SPAST: variants seen among roughly 807,000 people sequenced by gnomAD.
SPAST encodes spastin.
SPAST carries 30 observed loss-of-function variants against 76.6 expected under a neutral mutation model. The observed-to-expected ratio is 0.39, with a 90% CI of 0.29 to 0.53. SPAST has a LOEUF of 0.53. SPAST is among the 20% of genes least tolerant of loss of function. SPAST has a pLI of 0.68. For synonymous variants in SPAST, 305 were observed against 281.0 expected (o/e 1.09, Z -0.86); for missense variants, 717 against 770.5 (o/e 0.93, Z 0.82).
At chr2:32,080,117 A>G (rs967963021) in intron 1 of SPAST, among the ~76,000 whole-genome samples, 1 of 152,156 alleles carries the variant, frequency 6.6e-6, no homozygotes, top group Non-Finnish European at 1.5e-5. Flanking sequence ...AGTCATCCTA[A>G]AGGGTATGAA....
chr2:32,125,699 G>A (rs1414892571), intron 7 of SPAST, among the ~76,000 whole-genome samples: 2 of 152,090 alleles, frequency 1.3e-5, no homozygotes, highest in East Asian at 3.9e-4. Flanking sequence ...TTTAGAGAAC[G>A]AAACTCCTGC....
chr2:32,063,939 C>G lies in SPAST; in HGVS notation c.108C>G (p.Ala36=). The G allele has an allele frequency of 1.2e-6, 2 of 1,605,300 alleles. No individual in the cohort carries two copies. The highest frequency in any genetic ancestry group is 1.7e-6 in the Non-Finnish European group (2 of 1,176,020). ...GCCTGGCCCCCGCCCCTCCCGCCGCCGGGCCGGCCCCTCCGCCCGAGTCGC... is the reference window on the plus strand; with the variant it reads ...GCCTGGCCCCCGCCCCTCCCGCCGCGGGGCCGGCCCCTCCGCCCGAGTCGC... ...PPCLAPAPPA[A]GPAPPPESPH... is the part of the protein sequence containing the mutation. Residue 36 remains alanine (A), a synonymous_variant, in exon 1 of 17, where the codon GCC becomes GCG. Coordinates refer to ENST00000315285, the MANE Select transcript of SPAST (RefSeq NM_014946.4).
At chr2:32,069,116 C>T (rs1235712787) in intron 1 of SPAST, among the ~76,000 whole-genome samples, 12 of 151,378 alleles carry the variant, frequency 7.9e-5, no homozygotes, top group Non-Finnish European at 1.6e-4. Context: ...GGGACGCTGA[C>T]GCAGGACAAT....
At chr2:32,094,243 G>A (rs991409326) in intron 3 of SPAST, among the ~76,000 whole-genome samples, 1 of 152,030 alleles carries the variant, frequency 6.6e-6, no homozygotes, top group Non-Finnish European at 1.5e-5. Flanking sequence ...TTTTGAGACG[G>A]AGTCTTGCCT....
chr2:32,132,432 A>G (rs1679400209), intron 9 of SPAST, among the ~76,000 whole-genome samples: 2 of 152,102 alleles, frequency 1.3e-5, no homozygotes, highest in Non-Finnish European at 1.5e-5. Context: ...TGTCTAGTCT[A>G]TCATTTTGTC....
chr2:32,130,718 CAA>C (rs902989770), intron 9 of SPAST: 29 of 57,174 alleles, frequency 5.1e-4, no homozygotes, highest in Admixed American at 1.4e-3. Flanking sequence ...GACTCTGTCT[CAA>C]AAAAAAAAAA....
intron 16 of SPAST, 30 bp from the exon 17 acceptor site, chr2:32,154,344 T>C: frequency 6.3e-7 from 1 of 1,597,842 alleles, no homozygotes; most frequent in South Asian, 1.1e-5. Flanking sequence ...GTTGATCATT[T>C]GTATTGTCAT....
chr2:32,131,338 T>C (rs558135200), intron 9 of SPAST, among the ~76,000 whole-genome samples: 1 of 152,194 alleles, frequency 6.6e-6, no homozygotes, highest in Non-Finnish European at 1.5e-5. Context: ...TCATACTCAC[T>C]GGAGTTGCAA....
chr2:32,089,223 A>G (rs1227361587), intron 2 of SPAST, among the ~76,000 whole-genome samples: 1 of 71,108 alleles, frequency 1.4e-5, no homozygotes, highest in African/African-American at 5.5e-5. Flanking sequence ...TTTTTTAAGT[A>G]GAGACCAGAT....
intron 9 of SPAST, among the ~76,000 whole-genome samples, chr2:32,134,103 A>T (rs913999837): frequency 1.3e-5 from 2 of 152,116 alleles, no homozygotes; most frequent in African/African-American, 2.4e-5. Context: ...TGGCGTGATC[A>T]TGGCTCACTG....
At chr2:32,073,256 C>T (rs1327795811) in intron 1 of SPAST, among the ~76,000 whole-genome samples, 2 of 152,164 alleles carry the variant, frequency 1.3e-5, no homozygotes, top group African/African-American at 4.8e-5. Context: ...TGGTCTCGAA[C>T]TCCTGGCCTC....
intron 7 of SPAST, among the ~76,000 whole-genome samples, chr2:32,122,941 A>C (rs906597858): frequency 6.6e-6 from 1 of 152,190 alleles, no homozygotes; most frequent in African/African-American, 2.4e-5. Context: ...TTTATCTACC[A>C]GCAGTGAACA....
rs377460959 is a variant in SPAST, at chr2:32,107,972, C to T, written c.683-6666C>T. 1.0e-3 allele frequency among the ~76,000 whole-genome samples: 152 copies of T among 152,124 alleles called. 1 individual carries two copies. Among genetic ancestry groups the T allele is most frequent in the African/African-American group, 3.5e-3 (144 of 41,462 alleles). On this transcript the variant is annotated intron_variant, in intron 4 of 16. Transcript: ENST00000315285. ...TCTGCTTATTACTACAATGTGTTAT[C>T]TATTATACATTGTCCAATTTTCTAC...
At chr2:32,154,101 T>A (rs1022299792) in intron 16 of SPAST, among the ~76,000 whole-genome samples, 3 of 152,244 alleles carry the variant, frequency 2.0e-5, no homozygotes, top group Admixed American at 1.3e-4. Flanking sequence ...GTTTTGTTTT[T>A]ATATTGGAAA....
intron 1 of SPAST, among the ~76,000 whole-genome samples, chr2:32,077,099 C>T (rs933109921): frequency 1.3e-5 from 2 of 152,160 alleles, no homozygotes; most frequent in African/African-American, 2.4e-5. Flanking sequence ...TGATCTCGAA[C>T]TCTTGACCTC....
chr2:32,102,881 A>G (rs1678179795), intron 4 of SPAST, among the ~76,000 whole-genome samples: 1 of 152,206 alleles, frequency 6.6e-6, no homozygotes, highest in African/African-American at 2.4e-5. Flanking sequence ...CCAGTATTTT[A>G]TTGAGGATTT....
intron 4 of SPAST, among the ~76,000 whole-genome samples, chr2:32,108,351 A>G (rs1314575002): frequency 6.6e-6 from 1 of 152,146 alleles, no homozygotes; most frequent in East Asian, 1.9e-4. Flanking sequence ...GATGACTCTC[A>G]CGTAGCAACT....
At chr2:32,105,395 G>A (rs1036621047) in intron 4 of SPAST, among the ~76,000 whole-genome samples, 11 of 152,096 alleles carry the variant, frequency 7.2e-5, no homozygotes, top group East Asian at 1.9e-4. Context: ...CAATGGTTTC[G>A]AACATCCTCC....
intron 3 of SPAST, among the ~76,000 whole-genome samples, chr2:32,092,468 T>C (rs775022331): frequency 5.3e-5 from 8 of 152,308 alleles, no homozygotes; most frequent in Non-Finnish European, 7.4e-5. Context: ...ATGTTTTGTT[T>C]GATGTTATGA....
Sources: gnomAD v4.1 joint callset for allele counts (sites outside exome capture counted in the v4.1 genomes callset) on GRCh38, gnomAD v4.1.1 for gene constraint, MANE v1.5 for transcripts, NCBI Gene and HGNC (gene_info 2026-07-23, HGNC 2026-07-21) for gene names.